XKR6: variants seen among roughly 807,000 people sequenced by gnomAD.
The protein encoded by XKR6 is XK-related protein 6.
XKR6 carries 22 observed loss-of-function variants against 56.7 expected under a neutral mutation model. The observed-to-expected ratio is 0.39, with a 90% CI of 0.28 to 0.55. The LOEUF (loss-of-function observed/expected upper bound fraction) is 0.55, where lower values mean the gene tolerates loss of function less well. Among genes scored for constraint, XKR6 ranks in the 20% least tolerant of loss-of-function variants. XKR6 has a pLI of 0.66. For synonymous variants in XKR6, 524 were observed against 387.8 expected (o/e 1.35, Z -4.13); for missense variants, 852 against 889.0 (o/e 0.96, Z 0.53).
intron 1 of XKR6, among the ~76,000 whole-genome samples, chr8:10,965,885 T>C (rs939746786): frequency 3.3e-5 from 5 of 152,140 alleles, no homozygotes; most frequent in Admixed American, 3.3e-4. Flanking sequence ...ACCCAGCAGG[T>C]GTGGGCCACC....
chr8:11,049,055 G>T (rs1171217514), intron 1 of XKR6, among the ~76,000 whole-genome samples: 1 of 152,224 alleles, frequency 6.6e-6, no homozygotes, highest in African/African-American at 2.4e-5. Context: ...GTATTCTGGA[G>T]GTCACCCTGC....
intron 1 of XKR6, among the ~76,000 whole-genome samples, chr8:11,161,182 T>C (rs1233539939): frequency 2.0e-5 from 3 of 152,162 alleles, no homozygotes; most frequent in South Asian, 2.1e-4. Context: ...ATCAAAGATA[T>C]AGGATGGAAT....
intron 1 of XKR6, among the ~76,000 whole-genome samples, chr8:11,135,526 TA>T (rs1377062623): frequency 6.6e-6 from 1 of 152,216 alleles, no homozygotes; most frequent in African/African-American, 2.4e-5. Flanking sequence ...TACTATAGTT[TA>T]AATAGTTGAT....
intron 1 of XKR6, among the ~76,000 whole-genome samples, chr8:11,102,287 T>G (rs978117032): frequency 6.6e-6 from 1 of 152,204 alleles, no homozygotes; most frequent in Non-Finnish European, 1.5e-5. Flanking sequence ...AATTCATTTA[T>G]GCCGTTAGTT....
chr8:11,150,186 T>C (rs1474539633), intron 1 of XKR6, among the ~76,000 whole-genome samples: 2 of 152,048 alleles, frequency 1.3e-5, no homozygotes, highest in Non-Finnish European at 2.9e-5. Flanking sequence ...GGGACTATAG[T>C]TAACAACAAT....
At chr8:11,050,692 A>G (rs1291043612) in intron 1 of XKR6, among the ~76,000 whole-genome samples, 1 of 152,206 alleles carries the variant, frequency 6.6e-6, no homozygotes, top group Non-Finnish European at 1.5e-5. Context: ...TTCAAAGAGA[A>G]GAGCTGTTTG....
chr8:10,930,326 G>A (rs1179551411), intron 1 of XKR6, among the ~76,000 whole-genome samples: 1 of 152,168 alleles, frequency 6.6e-6, no homozygotes, highest in African/African-American at 2.4e-5. Flanking sequence ...TGGGGTCTGA[G>A]GCTTAGAGAA....
At position 11,170,696 on chromosome 8, in the gene XKR6, A is replaced by G. The variant is rs1032577551; in HGVS notation, c.764+29880T>C. Among the ~76,000 whole-genome samples, 138 of 152,250 alleles carry G rather than the reference A, an allele frequency of 9.1e-4. 1 individual carries two copies. The highest frequency in any genetic ancestry group is 3.0e-3 in the African/African-American group (124 of 41,454). On this transcript the variant is annotated intron_variant, in intron 1 of 2. Transcript: ENST00000416569. ...AATCTAAGTGGGTAAATTTTGTAGTACGTTAATTATATCTTAATAAAACTG... is the reference window on the plus strand; with the variant it reads ...AATCTAAGTGGGTAAATTTTGTAGTGCGTTAATTATATCTTAATAAAACTG...
chr8:11,155,235 A>G (rs1410263520), intron 1 of XKR6, among the ~76,000 whole-genome samples: 1 of 152,212 alleles, frequency 6.6e-6, no homozygotes, highest in Non-Finnish European at 1.5e-5. Flanking sequence ...CAGGCTTCCA[A>G]ATTTTAAATG....
chr8:11,136,465 T>C (rs539676902), intron 1 of XKR6, among the ~76,000 whole-genome samples: 10 of 150,396 alleles, frequency 6.6e-5, no homozygotes, highest in Admixed American at 1.3e-4. Flanking sequence ...GATTGCGCCA[T>C]TGCACTCCAG....
chr8:11,136,252 C>T (rs74642251), intron 1 of XKR6, among the ~76,000 whole-genome samples: 4 of 152,212 alleles, frequency 2.6e-5, no homozygotes, highest in Admixed American at 1.3e-4. Context: ...CGGCGGCTCA[C>T]GCCTGTAATC....
At chr8:10,997,848 G>A (rs1798149509) in intron 1 of XKR6, among the ~76,000 whole-genome samples, 1 of 152,214 alleles carries the variant, frequency 6.6e-6, no homozygotes, top group Admixed American at 6.5e-5. Context: ...GGACTAGAAT[G>A]TCAGGCACAA....
At chr8:11,024,278 C>G (rs1419000301) in intron 1 of XKR6, among the ~76,000 whole-genome samples, 1 of 142,398 alleles carries the variant, frequency 7.0e-6, no homozygotes, top group African/African-American at 2.5e-5. Flanking sequence ...TGTTTACTTC[C>G]TTTCTCATTT....
intron 1 of XKR6, among the ~76,000 whole-genome samples, chr8:10,980,744 C>T (rs1241825060): frequency 3.3e-5 from 5 of 152,188 alleles, no homozygotes; most frequent in South Asian, 4.2e-4. Context: ...ACCTATCTAT[C>T]GTCTATCACC....
intron 1 of XKR6, among the ~76,000 whole-genome samples, chr8:11,139,404 T>C (rs73547435): frequency 0.14 from 21,268 of 152,018 alleles, 3,162 homozygotes; most frequent in African/African-American, 0.38. Context: ...AGAGGAGGCA[T>C]GGGCTCTCGG....
chr8:11,182,340 A>C (rs1803033769), intron 1 of XKR6, among the ~76,000 whole-genome samples: 1 of 152,174 alleles, frequency 6.6e-6, no homozygotes, highest in African/African-American at 2.4e-5. Context: ...CCTTAATGAG[A>C]CTGGGGTTGT....
chr8:10,957,098 G>A (rs150301917), intron 1 of XKR6, among the ~76,000 whole-genome samples: 11,008 of 152,152 alleles, frequency 0.072, 413 homozygotes, highest in Middle Eastern at 0.13. Context: ...TTACAGGCAC[G>A]TGCCACCATG....
intron 1 of XKR6, among the ~76,000 whole-genome samples, chr8:10,951,144 G>T (rs965960634): frequency 6.6e-6 from 1 of 152,246 alleles, no homozygotes; most frequent in Non-Finnish European, 1.5e-5. Flanking sequence ...AGGAAGTCTG[G>T]AGGCCACAGC....
chr8:11,018,933 C>T (rs1798687176), intron 1 of XKR6, among the ~76,000 whole-genome samples: 1 of 152,184 alleles, frequency 6.6e-6, no homozygotes, highest in Non-Finnish European at 1.5e-5. Flanking sequence ...TCTCTCCTGC[C>T]ACCATGCTCA....
Sources: allele counts gnomAD v4.1 joint callset (sites outside exome capture counted in the v4.1 genomes callset), GRCh38; gene constraint gnomAD v4.1.1; transcripts MANE v1.5; gene names NCBI Gene and HGNC (gene_info 2026-07-23, HGNC 2026-07-21).